Variants in CCSER1 observed in about 807,000 individuals in gnomAD.
CCSER1 encodes coiled-coil serine rich protein 1.
Under a neutral mutation model 82.0 loss-of-function variants are expected in CCSER1, and 41 were observed. That is an observed-to-expected ratio of 0.50 (90% CI 0.39 to 0.65). CCSER1 has a LOEUF of 0.65. Ranked by LOEUF, CCSER1 falls within the 30% of genes least tolerant of loss-of-function variation. The pLI is 0.00. For synonymous variants in CCSER1, 414 were observed against 383.9 expected (o/e 1.08, Z -0.92); for missense variants, 1,119 against 1,064.2 (o/e 1.05, Z -0.72).
At chr4:90,858,408 G>C (rs1472642326) in intron 8 of CCSER1, among the ~76,000 whole-genome samples, 1 of 151,910 alleles carries the variant, frequency 6.6e-6, no homozygotes, top group Non-Finnish European at 1.5e-5. Context: ...TTGCTTTTTA[G>C]ATCAAATAAG....
intron 9 of CCSER1, among the ~76,000 whole-genome samples, chr4:90,990,414 A>C (rs1010464766): frequency 2.6e-5 from 4 of 151,974 alleles, no homozygotes; most frequent in African/African-American, 9.7e-5. Context: ...GAGGATAGAC[A>C]CTTATCTTCC....
chr4:90,853,069 A>G (rs1261263802), intron 8 of CCSER1, among the ~76,000 whole-genome samples: 2 of 152,088 alleles, frequency 1.3e-5, no homozygotes, highest in Admixed American at 6.6e-5. Flanking sequence ...TTAAATATAT[A>G]TAGTATCAAA....
intron 1 of CCSER1, among the ~76,000 whole-genome samples, chr4:90,290,847 A>T (rs763131152): frequency 2.6e-5 from 4 of 151,988 alleles, no homozygotes; most frequent in African/African-American, 2.4e-5. Context: ...TAGCATTCAG[A>T]ATATTATTTT....
At chr4:91,378,761 GC>G (rs1183035146) in intron 10 of CCSER1, among the ~76,000 whole-genome samples, 2 of 152,032 alleles carry the variant, frequency 1.3e-5, no homozygotes, top group Non-Finnish European at 2.9e-5. Context: ...CTGCCTTATT[GC>G]CCTGGCCAGA....
intron 1 of CCSER1, among the ~76,000 whole-genome samples, chr4:90,228,814 C>T (rs1047493601): frequency 3.9e-5 from 6 of 152,020 alleles, no homozygotes; most frequent in South Asian, 4.1e-4. Flanking sequence ...TCGAGAACTA[C>T]GTGAAGAATG....
chr4:91,455,052 T>C (rs1756080877), intron 10 of CCSER1, among the ~76,000 whole-genome samples: 1 of 152,140 alleles, frequency 6.6e-6, no homozygotes, highest in African/African-American at 2.4e-5. Context: ...AATTGCTGGA[T>C]CATGTTTTGT....
intron 10 of CCSER1, among the ~76,000 whole-genome samples, chr4:91,281,805 AAG>A (rs1442584849): frequency 7.9e-5 from 12 of 152,204 alleles, no homozygotes; most frequent in African/African-American, 2.9e-4. Flanking sequence ...CTTTGTAAGT[AAG>A]TTTGTTCCTT....
In CCSER1 at chr4:91,285,736, T is replaced by G. The variant is rs182460601; in HGVS notation, c.2217+199742T>G. Among the ~76,000 whole-genome samples, 237 of 152,022 alleles carry G rather than the reference T, an allele frequency of 1.6e-3. 2 individuals are homozygous for G. Among genetic ancestry groups the G allele is most frequent in the African/African-American group, 5.3e-3 (221 of 41,548 alleles). Reference sequence around the variant, plus strand: ...TGAATTTGGAATGCTTATTATCACATTTTCTTTTAGTCAAATGCAAATTTT... The same window carrying G: ...TGAATTTGGAATGCTTATTATCACAGTTTCTTTTAGTCAAATGCAAATTTT... On this transcript the variant is annotated intron_variant, in intron 10 of 10. Transcript: ENST00000509176.
chr4:90,349,032 G>A (rs1483051092), intron 3 of CCSER1, among the ~76,000 whole-genome samples: 2 of 152,026 alleles, frequency 1.3e-5, no homozygotes, highest in African/African-American at 4.8e-5. Context: ...GTTCCAGTGT[G>A]CATAAAAATC....
Position 91,598,960 on chromosome 4 carries a change from G to A in CCSER1, c.2606G>A (p.Gly869Glu). Reference sequence around the variant, plus strand: ...GGCAGGTTTGGACAGCCACCCAGAGGGCCAATCTCTTTACACATGTACAGC... The same window carrying A: ...GGCAGGTTTGGACAGCCACCCAGAGAGCCAATCTCTTTACACATGTACAGC... ...FTGRFGQPPR[G>E]PISLHMYSRK... The change falls in exon 11 of 11, where the codon GGG becomes GAG. Residue 869 changes from glycine (G) to glutamate (E), a missense_variant. Transcript: ENST00000509176. The A allele has an allele frequency of 6.4e-7, 1 of 1,551,440 alleles. No individual in the cohort carries two copies. The highest frequency in any genetic ancestry group is 8.7e-7 in the Non-Finnish European group (1 of 1,146,888).
chr4:91,524,185 G>T (rs150994839), intron 10 of CCSER1, among the ~76,000 whole-genome samples: 2 of 152,088 alleles, frequency 1.3e-5, no homozygotes, highest in East Asian at 3.8e-4. Context: ...TTTCCACTAC[G>T]TTGAAGGATA....
intron 1 of CCSER1, among the ~76,000 whole-genome samples, chr4:90,155,260 G>A (rs1426110311): frequency 4.6e-5 from 7 of 152,212 alleles, no homozygotes; most frequent in African/African-American, 7.2e-5. Context: ...GCTTTTTGAT[G>A]TGCTGTTGGA....
At position 90,468,321 on chromosome 4, in the gene CCSER1, G is replaced by C; in HGVS notation, c.1691G>C (p.Arg564Thr). 4 of 1,607,346 alleles carry C rather than the reference G, an allele frequency of 2.5e-6. No homozygotes were observed. In the East Asian group the frequency reaches 9.0e-5, roughly 36 times the overall value. Residue 564 changes from arginine to threonine, a missense_variant, in exon 5 of 11, where the codon AGA (arginine) becomes ACA (threonine). Arg to Thr is a moderately conservative substitution (Grantham distance 71, BLOSUM62 -1). Coordinates refer to ENST00000509176, the MANE Select transcript of CCSER1 (RefSeq NM_001145065.2). Reference sequence around the variant, plus strand: ...GAACCAATGATAGAAATGAAGAAAAGAGAAGAACCAGAATTTCCTGAGCCT... The same window carrying C: ...GAACCAATGATAGAAATGAAGAAAACAGAAGAACCAGAATTTCCTGAGCCT... Reference protein sequence around the residue: ...PMEPMIEMKKREEPEFPEPSK... With the variant: ...PMEPMIEMKKTEEPEFPEPSK...
intron 10 of CCSER1, among the ~76,000 whole-genome samples, chr4:91,174,944 G>T (rs770242584): frequency 2.0e-5 from 3 of 151,772 alleles, no homozygotes; most frequent in South Asian, 2.1e-4. Context: ...TTTACAATAG[G>T]TATATCTCCT....
At chr4:90,285,477 TG>T in intron 1 of CCSER1, among the ~76,000 whole-genome samples, 1 of 152,122 alleles carries the variant, frequency 6.6e-6, no homozygotes. Flanking sequence ...TACTGATTTT[TG>T]TATGTTGTTT....
rs13114058 is a variant in CCSER1 at position 91,134,357 on chromosome 4, C to T, written c.2217+48363C>T. On this transcript the variant is annotated intron_variant, in intron 10 of 10. Coordinates refer to ENST00000509176, the MANE Select transcript of CCSER1 (RefSeq NM_001145065.2). The stretch of plus-strand genomic sequence containing the variant: ...GTTACAGTGAGCTTTGATCATGCCA[C>T]TCACACCACTGCACTCCTGCAACAT... 9.2e-5 allele frequency among the ~76,000 whole-genome samples: 14 copies of T among 151,552 alleles called. No homozygotes were observed. In the East Asian group the frequency reaches 2.7e-3, roughly 30 times the overall value.
intron 3 of CCSER1, among the ~76,000 whole-genome samples, chr4:90,373,320 A>G (rs1283893696): frequency 6.6e-6 from 1 of 152,170 alleles, no homozygotes; most frequent in Admixed American, 6.5e-5. Flanking sequence ...TTTTCTAGAA[A>G]TAATGCTTTA....
chr4:90,817,743 G>GA (rs990963484), intron 8 of CCSER1, among the ~76,000 whole-genome samples: 2 of 151,986 alleles, frequency 1.3e-5, no homozygotes, highest in Non-Finnish European at 2.9e-5. Context: ...AACATGGTTG[G>GA]AAAAAAAATT....
At chr4:91,273,075 C>T (rs1742165356) in intron 10 of CCSER1, among the ~76,000 whole-genome samples, 3 of 151,816 alleles carry the variant, frequency 2.0e-5, no homozygotes, top group African/African-American at 7.3e-5. Context: ...TTTGGCTATG[C>T]TGGCTCTTTT....
Sources: gnomAD v4.1 joint callset for allele counts (sites outside exome capture counted in the v4.1 genomes callset) on GRCh38, gnomAD v4.1.1 for gene constraint, MANE v1.5 for transcripts, NCBI Gene and HGNC (gene_info 2026-07-23, HGNC 2026-07-21) for gene names.